Variants in GALNT13 observed in about 807,000 individuals in gnomAD.
The protein encoded by GALNT13 is UDP-GalNAc:polypeptide N-acetylgalactosaminyltransferase 13.
Under a neutral mutation model 64.2 loss-of-function variants are expected in GALNT13, and 28 were observed. That is an observed-to-expected ratio of 0.44 (90% CI 0.32 to 0.60). GALNT13 has a LOEUF of 0.60. GALNT13 is among the 20% of genes least tolerant of loss of function. GALNT13 has a pLI of 0.05. For missense variants in GALNT13, 577 were observed against 669.8 expected, an observed-to-expected ratio of 0.86 and a Z score of 1.53; for synonymous variants, 214 against 224.6, an observed-to-expected ratio of 0.95 and a Z score of 0.42.
intron 2 of GALNT13, among the ~76,000 whole-genome samples, chr2:153,924,918 TA>T (rs1162912180): frequency 6.6e-6 from 1 of 152,172 alleles, no homozygotes; most frequent in Non-Finnish European, 1.5e-5. Context: ...TTTTGGCTTG[TA>T]AATTTGCTTA....
chr2:153,933,061 T>C (rs1382502131), intron 2 of GALNT13, among the ~76,000 whole-genome samples: 1 of 152,196 alleles, frequency 6.6e-6, no homozygotes, highest in Non-Finnish European at 1.5e-5. Flanking sequence ...TTTTAGAGTA[T>C]TTGCCATGTA....
chr2:154,254,261 A>C (rs1451297117), intron 7 of GALNT13, among the ~76,000 whole-genome samples: 2 of 152,236 alleles, frequency 1.3e-5, no homozygotes, highest in Admixed American at 6.5e-5. Flanking sequence ...AAGGGGGTTG[A>C]GAGGAGCTCG....
At chr2:153,159,696 G>C in the GALNT13 span, 24 of 152,340 alleles carry the variant, frequency 1.6e-4, no homozygotes, top group African/African-American at 5.3e-4. Context: ...GATCAAAAGT[G>C]CATTGTTGAT....
the GALNT13 span, among the ~76,000 whole-genome samples, chr2:153,719,506 G>A: frequency 6.6e-6 from 1 of 152,176 alleles, no homozygotes; most frequent in Non-Finnish European, 1.5e-5. Context: ...CCCAGCTTGA[G>A]CGACGCAGAA....
chr2:154,289,195 C>T (rs1349062391), intron 8 of GALNT13, among the ~76,000 whole-genome samples: 2 of 152,180 alleles, frequency 1.3e-5, no homozygotes, highest in Non-Finnish European at 2.9e-5. Flanking sequence ...CTGAGCTCTA[C>T]ATTTGCCCCT....
chr2:154,205,689 G>T (rs764674650), intron 4 of GALNT13, among the ~76,000 whole-genome samples: 9 of 152,098 alleles, frequency 5.9e-5, no homozygotes, highest in Non-Finnish European at 8.8e-5. Flanking sequence ...GCAGATGCTG[G>T]CAGGCAAAGA....
rs1022364809 is a variant in GALNT13, at chr2:154,413,447, A to G, written c.1395+4365A>G. On this transcript the variant is annotated intron_variant, in intron 11 of 12. Coordinates refer to ENST00000392825, the MANE Select transcript of GALNT13 (RefSeq NM_052917.4). ...TTTCATAACTCATAATTCATGCTAC[A>G]TTAGTTTAACATCTCATTAAATATT... 7.9e-5 allele frequency among the ~76,000 whole-genome samples: 12 copies of G among 152,038 alleles called. No individual in the cohort carries two copies. In the East Asian group the frequency reaches 9.7e-4, roughly 12 times the overall value.
chr2:153,370,448 A>C, the GALNT13 span, among the ~76,000 whole-genome samples: 1 of 152,204 alleles, frequency 6.6e-6, no homozygotes, highest in African/African-American at 2.4e-5. Flanking sequence ...CCAGCAATCT[A>C]TACAAAAAAT....
chr2:153,856,594 A>T, the GALNT13 span, among the ~76,000 whole-genome samples: 3 of 152,190 alleles, frequency 2.0e-5, no homozygotes, highest in South Asian at 6.2e-4. Context: ...TCCGAACTGA[A>T]TGCATAAAAT....
At chr2:153,436,383 G>C in the GALNT13 span, among the ~76,000 whole-genome samples, 1 of 152,132 alleles carries the variant, frequency 6.6e-6, no homozygotes, top group African/African-American at 2.4e-5. Flanking sequence ...CTATTGATTG[G>C]AAGAGTTTCA....
At chr2:153,495,942 A>C in the GALNT13 span, among the ~76,000 whole-genome samples, 1 of 151,876 alleles carries the variant, frequency 6.6e-6, no homozygotes, top group Non-Finnish European at 1.5e-5. Flanking sequence ...TCCAGACCTC[A>C]CTCTTCTTGG....
chr2:153,666,514 G>T, the GALNT13 span, among the ~76,000 whole-genome samples: 1 of 152,158 alleles, frequency 6.6e-6, no homozygotes, highest in Non-Finnish European at 1.5e-5. Flanking sequence ...CAGCACAGCA[G>T]GTGCTTAACC....
At chr2:153,821,140 T>C in the GALNT13 span, among the ~76,000 whole-genome samples, 3 of 152,152 alleles carry the variant, frequency 2.0e-5, no homozygotes, top group African/African-American at 7.2e-5. Context: ...CACACAATGA[T>C]AGTGGGGAGC....
At chr2:154,207,976 T>C (rs1365330339) in intron 4 of GALNT13, among the ~76,000 whole-genome samples, 3 of 152,222 alleles carry the variant, frequency 2.0e-5, no homozygotes, top group Non-Finnish European at 2.9e-5. Flanking sequence ...ATTTACTTCC[T>C]GTAATTCTGC....
intron 2 of GALNT13, among the ~76,000 whole-genome samples, chr2:153,903,500 A>G (rs1190500453): frequency 6.6e-6 from 1 of 151,966 alleles, no homozygotes; most frequent in Non-Finnish European, 1.5e-5. Flanking sequence ...GGTCTCCAGG[A>G]CCATTCTGCT....
chr2:153,498,580 G>A, the GALNT13 span, among the ~76,000 whole-genome samples: 2 of 152,248 alleles, frequency 1.3e-5, no homozygotes, highest in Non-Finnish European at 2.9e-5. Flanking sequence ...TGGACCAGAT[G>A]TACCATGTGT....
At chr2:153,671,748 T>C in the GALNT13 span, among the ~76,000 whole-genome samples, 1 of 152,006 alleles carries the variant, frequency 6.6e-6, no homozygotes, top group African/African-American at 2.4e-5. Flanking sequence ...TTAAAAGACA[T>C]AGACTGGCAA....
chr2:153,696,627 A>G, the GALNT13 span, among the ~76,000 whole-genome samples: 1 of 150,406 alleles, frequency 6.6e-6, no homozygotes, highest in Non-Finnish European at 1.5e-5. Context: ...TTACAACAAT[A>G]TGTTGTAATA....
At chr2:153,741,977 T>C in the GALNT13 span, among the ~76,000 whole-genome samples, 1 of 152,208 alleles carries the variant, frequency 6.6e-6, no homozygotes, top group Non-Finnish European at 1.5e-5. Context: ...ATCATTGTTG[T>C]AATTAGAACA....
Sources: allele counts gnomAD v4.1 joint callset (sites outside exome capture counted in the v4.1 genomes callset), GRCh38; gene constraint gnomAD v4.1.1; transcripts MANE v1.5; gene names NCBI Gene and HGNC (gene_info 2026-07-23, HGNC 2026-07-21).